The following TGM6 variants were observed in gnomAD, a reference collection of about 807,000 sequenced individuals.
TGM6 encodes protein-glutamine gamma-glutamyltransferase 6.
In TGM6, 74 loss-of-function variants were observed where a neutral mutation model predicts 77.5. The observed-to-expected ratio is 0.96, with a 90% CI of 0.79 to 1.16. The LOEUF (loss-of-function observed/expected upper bound fraction) is 1.16, where lower values mean the gene tolerates loss of function less well. Ranked by LOEUF, TGM6 falls within the 50% of genes most tolerant of loss-of-function variation. The probability of loss-of-function intolerance (pLI) is 0.00; values close to 1 mark genes in which losing one functional copy is unlikely to be tolerated. For missense variants in TGM6, 968 were observed against 940.2 expected (o/e 1.03, Z -0.39); for synonymous variants, 383 against 378.9 (o/e 1.01, Z -0.12).
intron 1 of TGM6, among the ~76,000 whole-genome samples, chr20:2,389,674 A>G (rs188469856): frequency 6.6e-6 from 1 of 152,322 alleles, no homozygotes; most frequent in East Asian, 1.9e-4. Flanking sequence ...AATAGTAAAT[A>G]AGAGGAAATC....
At chr20:2,395,523 G>A (rs2084659275) in intron 3 of TGM6, 87 bp downstream of exon 3, 2 of 1,609,310 alleles carry the variant, frequency 1.2e-6, no homozygotes, top group Admixed American at 1.7e-5. Context: ...TGGGAGGTGG[G>A]TTAAAGGACA....
intron 9 of TGM6, among the ~76,000 whole-genome samples, chr20:2,409,816 G>T (rs1365731942): frequency 6.6e-6 from 1 of 151,834 alleles, no homozygotes; most frequent in African/African-American, 2.4e-5. Flanking sequence ...ATGAAATAAA[G>T]AGCAGAAAAA....
chr20:2,400,290 C>G lies in TGM6; in HGVS notation c.851-16C>G. On this transcript the variant is annotated splice_polypyrimidine_tract_variant and intron_variant, in intron 6 of 12. Coordinates refer to ENST00000202625, the MANE Select transcript of TGM6 (RefSeq NM_198994.3). ...GGGCCAGGGTCCCGCCTGCTCCGAG[C>G]CTCTCTGCTCTGCAGTCCTCAGGTG... 6.2e-7 allele frequency: 1 copy of G among 1,614,106 alleles called. No homozygotes were observed. Among genetic ancestry groups the G allele is most frequent in the Non-Finnish European group, 8.5e-7 (1 of 1,180,002 alleles).
intron 1 of TGM6, among the ~76,000 whole-genome samples, chr20:2,391,392 G>A (rs1317593080): frequency 2.6e-5 from 4 of 152,114 alleles, no homozygotes; most frequent in Non-Finnish European, 5.9e-5. Context: ...CAACCAGGAG[G>A]GGCCTTAGGA....
Position 2,380,963 on chromosome 20 carries a change from C to G in TGM6, c.-6C>G. 1 of 1,608,090 alleles carries G rather than the reference C, an allele frequency of 6.2e-7. No individual in the cohort carries two copies. Among genetic ancestry groups the G allele is most frequent in the East Asian group, 2.2e-5 (1 of 44,750 alleles). ...GGAGGAACAGAGGAGTCCAGCTGGCCTTCACATGGCAGGTAAGTGGGCAGA... is the reference window on the plus strand; with the variant it reads ...GGAGGAACAGAGGAGTCCAGCTGGCGTTCACATGGCAGGTAAGTGGGCAGA... On this transcript the variant is annotated 5_prime_UTR_variant, in exon 1 of 13. Coordinates refer to ENST00000202625, the MANE Select transcript of TGM6 (RefSeq NM_198994.3).
In TGM6 at chr20:2,395,737, G is replaced by A. The variant is rs75236104; in HGVS notation, c.424+301G>A. ...TGTGCTGAGCTGCTCTCCTCTACCA[G>A]TCTCCATTTCCTCATCTGTAATATG... is the stretch of plus-strand genomic sequence containing the variant. On this transcript the variant is annotated intron_variant, in intron 3 of 12. Coordinates refer to ENST00000202625, the MANE Select transcript of TGM6 (RefSeq NM_198994.3). 9.2e-5 allele frequency among the ~76,000 whole-genome samples: 14 copies of A among 152,296 alleles called. No individual in the cohort carries two copies. In the East Asian group the frequency reaches 2.5e-3, roughly 27 times the overall value.
intron 10 of TGM6, among the ~76,000 whole-genome samples, chr20:2,424,548 A>G (rs957263302): frequency 6.6e-6 from 1 of 152,222 alleles, no homozygotes; most frequent in Non-Finnish European, 1.5e-5. Context: ...ATGGAATGTT[A>G]TGGCTGGTGT....
intron 1 of TGM6, among the ~76,000 whole-genome samples, chr20:2,385,415 T>A (rs2084587737): frequency 1.3e-5 from 2 of 150,838 alleles, no homozygotes; most frequent in South Asian, 4.2e-4. Flanking sequence ...CTGAGAGGAG[T>A]CCTTGGGGGT....
intron 1 of TGM6, 103 bp from the exon 2 acceptor site, chr20:2,394,349 C>A: frequency 7.5e-7 from 1 of 1,329,564 alleles, no homozygotes; most frequent in South Asian, 1.2e-5. Flanking sequence ...TAAATAGCAG[C>A]TGGATGAACA....
chr20:2,425,894 G>T (rs1213401581), intron 10 of TGM6, among the ~76,000 whole-genome samples: 4 of 152,078 alleles, frequency 2.6e-5, no homozygotes, highest in South Asian at 2.1e-4. Context: ...TATTTAGAAA[G>T]GTACCATAAA....
intron 4 of TGM6, among the ~76,000 whole-genome samples, chr20:2,397,118 G>A (rs1204215924): frequency 6.6e-6 from 1 of 152,190 alleles, no homozygotes; most frequent in Non-Finnish European, 1.5e-5. Context: ...CAGAATGATA[G>A]GGATGGAAGC....
intron 7 of TGM6, 91 bp downstream of exon 7, chr20:2,400,535 C>T: frequency 6.3e-7 from 1 of 1,579,992 alleles, no homozygotes; most frequent in Non-Finnish European, 8.6e-7. Flanking sequence ...CAGGGAGCGG[C>T]AGGCCCAGAG....
At chr20:2,388,692 C>T (rs2422767) in intron 1 of TGM6, among the ~76,000 whole-genome samples, 138,105 of 151,962 alleles carry the variant, frequency 0.91, 62,953 homozygotes, top group Admixed American at 0.93. Context: ...GAGTTAACAG[C>T]AGTACCTCCC....
intron 7 of TGM6, among the ~76,000 whole-genome samples, chr20:2,401,815 T>C (rs2084711661): frequency 6.6e-6 from 1 of 152,198 alleles, no homozygotes; most frequent in Non-Finnish European, 1.5e-5. Flanking sequence ...CCATCCCATA[T>C]GGATGGACAT....
intron 9 of TGM6, among the ~76,000 whole-genome samples, chr20:2,407,576 G>A (rs936513977): frequency 1.2e-4 from 18 of 152,124 alleles, no homozygotes; most frequent in African/African-American, 3.9e-4. Flanking sequence ...CAGAGATTAC[G>A]TCACTACACT....
chr20:2,425,571 G>C (rs2084882462), intron 10 of TGM6, among the ~76,000 whole-genome samples: 1 of 152,094 alleles, frequency 6.6e-6, no homozygotes, highest in Non-Finnish European at 1.5e-5. Flanking sequence ...TACCTTTATA[G>C]TAAATCTTAA....
chr20:2,411,726 T>C (rs1409095129), intron 9 of TGM6, among the ~76,000 whole-genome samples: 3 of 152,188 alleles, frequency 2.0e-5, no homozygotes, highest in Non-Finnish European at 4.4e-5. Context: ...TGCAAAAGAC[T>C]GAAGTTAGAC....
intron 7 of TGM6, among the ~76,000 whole-genome samples, chr20:2,402,590 CA>C (rs2084718990): frequency 6.6e-6 from 1 of 152,210 alleles, no homozygotes; most frequent in Non-Finnish European, 1.5e-5. Flanking sequence ...CTTTCCCCAA[CA>C]AAAACAGTTG....
chr20:2,424,876 A>G (rs1170923638), intron 10 of TGM6, among the ~76,000 whole-genome samples: 2 of 152,192 alleles, frequency 1.3e-5, no homozygotes, highest in Admixed American at 1.3e-4. Flanking sequence ...TTTCAATATT[A>G]TTGTGTATCC....
Sources: gnomAD v4.1 joint callset for allele counts (sites outside exome capture counted in the v4.1 genomes callset) on GRCh38, gnomAD v4.1.1 for gene constraint, MANE v1.5 for transcripts, NCBI Gene and HGNC (gene_info 2026-07-23, HGNC 2026-07-21) for gene names.